Variants in GRID1 observed in about 807,000 individuals in gnomAD.
The protein encoded by GRID1 is glutamate ionotropic receptor delta type subunit 1, also known as glutamate receptor ionotropic, delta-1.
A neutral mutation model predicts 98.0 loss-of-function variants in GRID1; 28 were observed. The ratio of observed to expected loss-of-function variants is 0.29; its 90% CI spans 0.21 to 0.39. The LOEUF (loss-of-function observed/expected upper bound fraction) is 0.39, where lower values mean the gene tolerates loss of function less well. Ranked by LOEUF, GRID1 falls within the 10% of genes least tolerant of loss-of-function variation. GRID1 has a pLI of 1.00. For synonymous variants in GRID1, 553 were observed against 538.5 expected (o/e 1.03, Z -0.37); for missense variants, 1,111 against 1,340.5 (o/e 0.83, Z 2.67).
chr10:85,913,619 G>A (rs1356567626), intron 5 of GRID1, among the ~76,000 whole-genome samples: 3 of 151,918 alleles, frequency 2.0e-5, no homozygotes, highest in African/African-American at 4.8e-5. Flanking sequence ...ATAAAACCCC[G>A]CCCTACTAAA....
chr10:85,699,838 T>A (rs1221734565), intron 12 of GRID1, among the ~76,000 whole-genome samples: 3 of 152,204 alleles, frequency 2.0e-5, no homozygotes, highest in Non-Finnish European at 4.4e-5. Context: ...CGCAATAATT[T>A]ATCTGTTCAA....
intron 8 of GRID1, among the ~76,000 whole-genome samples, chr10:85,768,287 A>G (rs572238852): frequency 5.3e-5 from 8 of 152,344 alleles, no homozygotes; most frequent in African/African-American, 1.4e-4. Context: ...CCAAAAAATC[A>G]AGGATTTAAA....
At chr10:85,703,394 A>G (rs1841475587) in intron 12 of GRID1, among the ~76,000 whole-genome samples, 1 of 152,074 alleles carries the variant, frequency 6.6e-6, no homozygotes, top group Admixed American at 6.6e-5. Context: ...AACTATAGAT[A>G]TGGATGGGAA....
At chr10:85,723,196 C>A in intron 11 of GRID1, 55 bp from the exon 12 acceptor site, 1 of 1,531,848 alleles carries the variant, frequency 6.5e-7, no homozygotes, top group Non-Finnish European at 8.9e-7. Context: ...CCCTCCTATC[C>A]CCAGGGAGGT....
intron 4 of GRID1, among the ~76,000 whole-genome samples, chr10:85,924,899 A>T (rs1841753881): frequency 1.3e-5 from 2 of 152,206 alleles, no homozygotes; most frequent in Admixed American, 6.5e-5. Context: ...CCCCGGGGGA[A>T]TGAAGATTCA....
At chr10:85,985,148 C>G (rs1271866562) in intron 4 of GRID1, among the ~76,000 whole-genome samples, 1 of 152,120 alleles carries the variant, frequency 6.6e-6, no homozygotes, top group Non-Finnish European at 1.5e-5. Flanking sequence ...CAAAATTGCA[C>G]CCAAATTAGA....
chr10:86,080,627 C>A (rs1056437676), intron 4 of GRID1, among the ~76,000 whole-genome samples: 1 of 152,070 alleles, frequency 6.6e-6, no homozygotes, highest in African/African-American at 2.4e-5. Flanking sequence ...CGGCATCCTC[C>A]TGATTGGAGA....
chr10:86,138,794 G>GC (rs1465086768), intron 4 of GRID1, 25 bp downstream of exon 4: 1 of 1,592,084 alleles, frequency 6.3e-7, no homozygotes, highest in Admixed American at 1.7e-5. Flanking sequence ...CCAGGCCCCT[G>GC]AGGCCTCAGG....
chr10:86,171,906 C>T (rs1029141313), intron 3 of GRID1, among the ~76,000 whole-genome samples: 15 of 152,228 alleles, frequency 9.9e-5, no homozygotes, highest in Admixed American at 2.6e-4. Flanking sequence ...AGAAACCCTA[C>T]GCGGCATGCC....
At chr10:86,028,003 G>A (rs1171372081) in intron 4 of GRID1, among the ~76,000 whole-genome samples, 3 of 152,132 alleles carry the variant, frequency 2.0e-5, no homozygotes, top group Non-Finnish European at 2.9e-5. Flanking sequence ...ACCACTCCTG[G>A]AGGTAAGAGT....
At chr10:86,117,071 CAAT>C (rs1844593846) in intron 4 of GRID1, among the ~76,000 whole-genome samples, 2 of 151,248 alleles carry the variant, frequency 1.3e-5, no homozygotes, top group Admixed American at 1.3e-4. Context: ...CCACCACCAC[CAAT>C]AACAACACCT....
intron 12 of GRID1, among the ~76,000 whole-genome samples, chr10:85,696,902 T>C (rs1841401022): frequency 6.6e-6 from 1 of 152,090 alleles, no homozygotes; most frequent in African/African-American, 2.4e-5. Context: ...ATATTTTAGC[T>C]ACATTATGTT....
intron 8 of GRID1, among the ~76,000 whole-genome samples, chr10:85,763,765 C>T (rs1842170759): frequency 6.6e-6 from 1 of 152,212 alleles, no homozygotes; most frequent in Admixed American, 6.5e-5. Context: ...GTAACATTAG[C>T]TCTGACATTT....
intron 2 of GRID1, among the ~76,000 whole-genome samples, chr10:86,331,249 A>G (rs1848137251): frequency 6.6e-6 from 1 of 152,044 alleles, no homozygotes; most frequent in Non-Finnish European, 1.5e-5. Flanking sequence ...AGTGGCTCCT[A>G]GGTTCTCACT....
chr10:85,798,805 G>T (rs1354494498), intron 8 of GRID1, among the ~76,000 whole-genome samples: 1 of 151,922 alleles, frequency 6.6e-6, no homozygotes, highest in Non-Finnish European at 1.5e-5. Flanking sequence ...TATTCTGCAG[G>T]TTGTCTCTTC....
At chr10:85,954,095 G>A (rs1842159145) in intron 4 of GRID1, among the ~76,000 whole-genome samples, 1 of 152,134 alleles carries the variant, frequency 6.6e-6, no homozygotes, top group African/African-American at 2.4e-5. Context: ...CAATTTACAG[G>A]AGTGTCTGAA....
chr10:86,180,945 A>T (rs1845646654), intron 3 of GRID1, among the ~76,000 whole-genome samples: 2 of 152,176 alleles, frequency 1.3e-5, no homozygotes, highest in Non-Finnish European at 2.9e-5. Flanking sequence ...GGAGGGGCAG[A>T]GATGGTGCTG....
chr10:86,303,179 G>A (rs532253500), intron 2 of GRID1, among the ~76,000 whole-genome samples: 4 of 152,270 alleles, frequency 2.6e-5, no homozygotes, highest in African/African-American at 9.6e-5. Flanking sequence ...GTGTTTAGAA[G>A]TAAAATGCCA....
intron 3 of GRID1, among the ~76,000 whole-genome samples, chr10:86,170,250 G>A (rs1425663121): frequency 2.0e-5 from 3 of 152,174 alleles, no homozygotes; most frequent in Non-Finnish European, 2.9e-5. Context: ...TGTCAGCTCC[G>A]CAGCAGCCAC....
Sources: allele counts gnomAD v4.1 joint callset (sites outside exome capture counted in the v4.1 genomes callset), GRCh38; gene constraint gnomAD v4.1.1; transcripts MANE v1.5; gene names NCBI Gene and HGNC (gene_info 2026-07-23, HGNC 2026-07-21).